CSGALNACT1: variants seen among roughly 807,000 people sequenced by gnomAD.
The protein encoded by CSGALNACT1 is beta4GalNAcT-1.
In CSGALNACT1, 52 loss-of-function variants were observed where a neutral mutation model predicts 51.0. That is an observed-to-expected ratio of 1.02 (90% CI 0.82 to 1.29). The LOEUF (loss-of-function observed/expected upper bound fraction) is 1.29, where lower values mean the gene tolerates loss of function less well. Ranked by LOEUF, CSGALNACT1 falls within the 50% of genes most tolerant of loss-of-function variation. The probability of loss-of-function intolerance (pLI) is 0.00; values close to 1 mark genes in which losing one functional copy is unlikely to be tolerated. For synonymous variants in CSGALNACT1, 341 were observed against 254.4 expected (o/e 1.34, Z -3.24); for missense variants, 935 against 679.2 (o/e 1.38, Z -4.19).
At chr8:19,580,220 G>A (rs1429082851) in intron 3 of CSGALNACT1, among the ~76,000 whole-genome samples, 1 of 152,196 alleles carries the variant, frequency 6.6e-6, no homozygotes, top group Admixed American at 6.5e-5. Context: ...AAAGATCCGA[G>A]AGAAAAGACA....
intron 1 of CSGALNACT1, among the ~76,000 whole-genome samples, chr8:19,621,498 T>G (rs369339667): frequency 3.3e-5 from 5 of 152,158 alleles, no homozygotes; most frequent in African/African-American, 1.2e-4. Flanking sequence ...TTAGAAATAA[T>G]GTCCAGGCAC....
upstream of CSGALNACT1, among the ~76,000 whole-genome samples, chr8:19,603,047 TACACACACACAC>T (rs5889877): frequency 0.051 from 6,283 of 123,082 alleles, 501 homozygotes; most frequent in African/African-American, 0.18. Flanking sequence ...ACTGTGTGTA[TACACACACACAC>T]ACACACACAC....
chr8:19,525,515 G>A (rs2081488461), intron 3 of CSGALNACT1, among the ~76,000 whole-genome samples: 1 of 149,770 alleles, frequency 6.7e-6, no homozygotes, highest in Non-Finnish European at 1.5e-5. Context: ...TACTCAGGAG[G>A]CTGAGGTAGG....
intron 1 of CSGALNACT1, among the ~76,000 whole-genome samples, chr8:19,671,288 G>A (rs907087644): frequency 2.0e-5 from 3 of 152,158 alleles, no homozygotes; most frequent in African/African-American, 7.2e-5. Context: ...CAACTGGAAG[G>A]CTTTGATTCT....
At chr8:19,599,146 G>A (rs200015361) in intron 2 of CSGALNACT1, among the ~76,000 whole-genome samples, 17 of 151,852 alleles carry the variant, frequency 1.1e-4, no homozygotes, top group Non-Finnish European at 1.6e-4. Context: ...GGGGAGCACA[G>A]AGAGCTAGTG....
intron 1 of CSGALNACT1, among the ~76,000 whole-genome samples, chr8:19,742,869 C>T (rs2064400292): frequency 6.6e-6 from 1 of 152,222 alleles, no homozygotes; most frequent in South Asian, 2.1e-4. Context: ...GAGCCTAGCT[C>T]CTGTTCCACT....
At chr8:19,703,364 C>T (rs571239289) in intron 1 of CSGALNACT1, among the ~76,000 whole-genome samples, 14 of 152,290 alleles carry the variant, frequency 9.2e-5, no homozygotes, top group Admixed American at 7.2e-4. Flanking sequence ...AGTGCAGCGG[C>T]GGGATCTCAG....
chr8:19,711,763 C>A lies in CSGALNACT1; in HGVS notation c.-297+46087G>T, dbSNP rs115055106. On this transcript the variant is annotated intron_variant, in intron 1 of 1. Coordinates refer to the CSGALNACT1 transcript ENST00000517494. Reference sequence around the variant, plus strand: ...TTCCATTCCAGCCTTCATTGACATGCCCACCTGTAGCCACTTCACTCCTCT... The same window carrying A: ...TTCCATTCCAGCCTTCATTGACATGACCACCTGTAGCCACTTCACTCCTCT... 2.1e-3 allele frequency among the ~76,000 whole-genome samples: 326 copies of A among 152,224 alleles called. 3 individuals are homozygous for A. The highest frequency in any genetic ancestry group is 7.4e-3 in the African/African-American group (306 of 41,530).
intron 1 of CSGALNACT1, among the ~76,000 whole-genome samples, chr8:19,696,018 A>G (rs1056179958): frequency 5.9e-5 from 9 of 152,224 alleles, no homozygotes; most frequent in African/African-American, 1.9e-4. Context: ...ATAAATTTTT[A>G]AAAACTTTAA....
At chr8:19,494,393 G>C (rs1318766513) in intron 4 of CSGALNACT1, among the ~76,000 whole-genome samples, 2 of 152,124 alleles carry the variant, frequency 1.3e-5, no homozygotes, top group Admixed American at 6.5e-5. Context: ...TGCCCTTCCT[G>C]ATCATTCCAC....
intron 3 of CSGALNACT1, among the ~76,000 whole-genome samples, chr8:19,529,769 A>G (rs933764160): frequency 1.3e-5 from 2 of 152,200 alleles, no homozygotes; most frequent in African/African-American, 4.8e-5. Context: ...CTTATGCAAA[A>G]TGGTGCAGTA....
At chr8:19,406,172 A>G in intron 9 of CSGALNACT1, 103 bp from the exon 9 acceptor site, 1 of 1,342,912 alleles carries the variant, frequency 7.4e-7, no homozygotes, top group Non-Finnish European at 1.1e-6. Context: ...ACTGGGGGGG[A>G]TGCGTGCTTC....
chr8:19,480,147 G>A (rs2070954618), intron 4 of CSGALNACT1, among the ~76,000 whole-genome samples: 1 of 152,146 alleles, frequency 6.6e-6, no homozygotes. Context: ...AGGGATACAT[G>A]TGCAGGTTTG....
intron 1 of CSGALNACT1, among the ~76,000 whole-genome samples, chr8:19,621,520 T>C (rs1255514093): frequency 6.6e-6 from 1 of 152,142 alleles, no homozygotes; most frequent in African/African-American, 2.4e-5. Flanking sequence ...GTGGCTGTTA[T>C]GTGTAATCCA....
At chr8:19,464,556 A>G (rs1250194178) in intron 4 of CSGALNACT1, among the ~76,000 whole-genome samples, 1 of 152,058 alleles carries the variant, frequency 6.6e-6, no homozygotes, top group Non-Finnish European at 1.5e-5. Context: ...AAGCCACGGA[A>G]TGGTACCAGT....
intron 3 of CSGALNACT1, among the ~76,000 whole-genome samples, chr8:19,527,075 A>G (rs1044086814): frequency 6.6e-6 from 1 of 152,210 alleles, no homozygotes; most frequent in African/African-American, 2.4e-5. Context: ...AAAGCTCACG[A>G]TATCAAGATA....
chr8:19,544,611 G>C (rs2086045625), intron 3 of CSGALNACT1, among the ~76,000 whole-genome samples: 2 of 152,120 alleles, frequency 1.3e-5, no homozygotes, highest in Admixed American at 1.3e-4. Context: ...ATTCTGGAGA[G>C]GATTTGAAAC....
At chr8:19,649,143 C>T (rs191879865) in intron 1 of CSGALNACT1, among the ~76,000 whole-genome samples, 1 of 152,172 alleles carries the variant, frequency 6.6e-6, no homozygotes, top group Non-Finnish European at 1.5e-5. Context: ...GTTTGTTCCT[C>T]TCAGTGATTC....
At chr8:19,676,101 CAAAA>C (rs1255611611) in intron 1 of CSGALNACT1, among the ~76,000 whole-genome samples, 1 of 128,080 alleles carries the variant, frequency 7.8e-6, no homozygotes, top group South Asian at 2.5e-4. Context: ...CAAAACAAAA[CAAAA>C]AAAACTCCCA....
Sources: allele counts gnomAD v4.1 joint callset (sites outside exome capture counted in the v4.1 genomes callset), GRCh38; gene constraint gnomAD v4.1.1; transcripts MANE v1.5; gene names NCBI Gene and HGNC (gene_info 2026-07-23, HGNC 2026-07-21).